The following FBXO15 variants were observed in gnomAD, a reference collection of about 807,000 sequenced individuals.
FBXO15 encodes F-box protein 15.
A neutral mutation model predicts 49.5 loss-of-function variants in FBXO15; 30 were observed. The observed-to-expected ratio is 0.61, with a 90% CI of 0.45 to 0.82. The LOEUF is 0.82. Among genes scored for constraint, FBXO15 ranks in the 40% least tolerant of loss-of-function variants. The pLI is 0.00. For synonymous variants in FBXO15, 250 were observed against 232.7 expected, an observed-to-expected ratio of 1.07 and a Z score of -0.68; for missense variants, 591 against 631.5, an observed-to-expected ratio of 0.94 and a Z score of 0.69.
At chr18:74,077,807 G>A (rs981292671) in intron 9 of FBXO15, among the ~76,000 whole-genome samples, 1 of 152,164 alleles carries the variant, frequency 6.6e-6, no homozygotes. Flanking sequence ...AGGCTCTGAG[G>A]TCTAAGCACC....
At chr18:74,137,950 C>T (rs1978822950) in intron 2 of FBXO15, among the ~76,000 whole-genome samples, 2 of 152,264 alleles carry the variant, frequency 1.3e-5, no homozygotes, top group East Asian at 1.9e-4. Context: ...CTTTCTTCCC[C>T]CTATTCCGAT....
chr18:74,115,757 T>A (rs1914206063), intron 8 of FBXO15, among the ~76,000 whole-genome samples: 1 of 152,236 alleles, frequency 6.6e-6, no homozygotes, highest in Non-Finnish European at 1.5e-5. Context: ...ATAATTTAAA[T>A]AGCTACTCAT....
At chr18:74,138,540 GTCGC>G (rs1978865672) in intron 2 of FBXO15, among the ~76,000 whole-genome samples, 1 of 152,052 alleles carries the variant, frequency 6.6e-6, no homozygotes, top group African/African-American at 2.4e-5. Flanking sequence ...TTGCTCCTGA[GTCGC>G]CTTTGCCTTC....
chr18:74,107,416 T>C (rs531076619), intron 8 of FBXO15, among the ~76,000 whole-genome samples: 1 of 152,272 alleles, frequency 6.6e-6, no homozygotes, highest in African/African-American at 2.4e-5. Context: ...TTCCAGACCA[T>C]TTTTAAAAAC....
intron 8 of FBXO15, 70 bp from the exon 9 acceptor site, chr18:74,082,121 G>A (rs1912528108): frequency 2.6e-5 from 40 of 1,550,694 alleles, no homozygotes; most frequent in Admixed American, 3.6e-5. Flanking sequence ...ACGTTCAGTC[G>A]GCGACTTTAT....
At chr18:74,114,713 A>G (rs1300230108) in intron 8 of FBXO15, among the ~76,000 whole-genome samples, 2 of 152,236 alleles carry the variant, frequency 1.3e-5, no homozygotes, top group Non-Finnish European at 2.9e-5. Context: ...GGCAATACAC[A>G]AAGAAGCAGG....
At chr18:74,125,904 T>C (rs1018824658) in intron 6 of FBXO15, 71 bp downstream of exon 6, 8 of 1,571,842 alleles carry the variant, frequency 5.1e-6, no homozygotes, top group Middle Eastern at 3.4e-4. Flanking sequence ...TTTGAAGTCA[T>C]ACATAATGGT....
chr18:74,117,721 A>G (rs1914292307), intron 8 of FBXO15, among the ~76,000 whole-genome samples: 1 of 152,208 alleles, frequency 6.6e-6, no homozygotes, highest in Admixed American at 6.5e-5. Flanking sequence ...AATAACACGA[A>G]ACATTTAGCA....
intron 2 of FBXO15, among the ~76,000 whole-genome samples, chr18:74,137,591 A>C (rs1327317928): frequency 6.6e-6 from 1 of 152,220 alleles, no homozygotes; most frequent in Non-Finnish European, 1.5e-5. Context: ...CTTTATAGTT[A>C]AGACAGTGGA....
intron 9 of FBXO15, among the ~76,000 whole-genome samples, chr18:74,078,010 G>A (rs1256920593): frequency 2.6e-5 from 4 of 152,122 alleles, no homozygotes; most frequent in African/African-American, 9.7e-5. Flanking sequence ...CATCACCTGC[G>A]AGAAGGTTGA....
chr18:74,106,067 T>C (rs958114731), intron 8 of FBXO15, among the ~76,000 whole-genome samples: 5 of 152,170 alleles, frequency 3.3e-5, no homozygotes, highest in Non-Finnish European at 7.4e-5. Context: ...AAGTATCTTC[T>C]TGCCCAGTAG....
intron 1 of FBXO15, among the ~76,000 whole-genome samples, chr18:74,142,376 A>G (rs1979134172): frequency 6.6e-6 from 1 of 152,252 alleles, no homozygotes; most frequent in Non-Finnish European, 1.5e-5. Flanking sequence ...CATAGTAATC[A>G]TAAGTAAAAT....
intron 8 of FBXO15, chr18:74,099,842 C>G (rs8097870): frequency 0.27 from 40,547 of 151,990 alleles, 8,010 homozygotes; most frequent in African/African-American, 0.55. Context: ...AATGATAAAA[C>G]GCTTTGTCCA....
At chr18:74,080,614 G>A (rs1485467924) in intron 9 of FBXO15, among the ~76,000 whole-genome samples, 1 of 152,216 alleles carries the variant, frequency 6.6e-6, no homozygotes, top group Non-Finnish European at 1.5e-5. Context: ...CGTATCTTCA[G>A]CTTCTCTGAG....
chr18:74,130,439 T>C lies in FBXO15; in HGVS notation c.552A>G (p.Pro184=), dbSNP rs756163868. ...LKPVNPYTGL[P]VKTKEALRIF... ...ACCTGAGGGCCTCTTTGGTCTTAAC[T>C]GGAAGGCCTGTGTAAGGGTTGACAG... The change falls in exon 4 of 10, where the codon CCA becomes CCG. Residue 184 remains proline (P), a synonymous_variant. Coordinates refer to ENST00000419743, the MANE Select transcript of FBXO15 (RefSeq NM_001142958.2). 3.7e-6 allele frequency: 6 copies of C among 1,614,096 alleles called. No individual in the cohort carries two copies. The East Asian group carries it at 6.7e-5, about 18-fold the overall frequency.
intron 8 of FBXO15, among the ~76,000 whole-genome samples, chr18:74,087,328 A>T (rs1295706645): frequency 1.3e-5 from 2 of 152,166 alleles, no homozygotes; most frequent in African/African-American, 2.4e-5. Flanking sequence ...AGATTATTTC[A>T]TCACCCAAGT....
intron 1 of FBXO15, 127 bp downstream of exon 1, chr18:74,147,543 T>A: frequency 8.6e-6 from 11 of 1,275,166 alleles, no homozygotes; most frequent in East Asian, 6.5e-5. Context: ...TTCCATACCC[T>A]TCTCACGTTG....
Position 74,109,818 on chromosome 18 carries a change from G to A in FBXO15, c.1138+13550C>T, listed in dbSNP as rs562970585. 2.3e-4 allele frequency among the ~76,000 whole-genome samples: 35 copies of A among 151,990 alleles called. 1 individual carries two copies. Among genetic ancestry groups the A allele is most frequent in the Admixed American group, 1.4e-3 (22 of 15,266 alleles). ...CACAGGGCAGGGAACATCACACACCGGGGTCTGTCAGGGGATGGGGGGCTG... is the reference window on the plus strand; with the variant it reads ...CACAGGGCAGGGAACATCACACACCAGGGTCTGTCAGGGGATGGGGGGCTG... On this transcript the variant is annotated intron_variant, in intron 8 of 9. Transcript: ENST00000419743.
intron 2 of FBXO15, among the ~76,000 whole-genome samples, chr18:74,138,379 C>T (rs921045275): frequency 6.6e-6 from 1 of 152,156 alleles, no homozygotes; most frequent in African/African-American, 2.4e-5. Context: ...TGCCTCCTCC[C>T]CCCGCCTCCC....
Sources: allele counts gnomAD v4.1 joint callset (sites outside exome capture counted in the v4.1 genomes callset), GRCh38; gene constraint gnomAD v4.1.1; transcripts MANE v1.5; gene names NCBI Gene and HGNC (gene_info 2026-07-23, HGNC 2026-07-21).